IQGAP2: variants seen among roughly 807,000 people sequenced by gnomAD.
The protein encoded by IQGAP2 is ras GTPase-activating-like protein IQGAP2.
IQGAP2 carries 173 observed loss-of-function variants against 201.3 expected under a neutral mutation model. The ratio of observed to expected loss-of-function variants is 0.86; its 90% CI spans 0.76 to 0.98. The LOEUF (loss-of-function observed/expected upper bound fraction) is 0.98, where lower values mean the gene tolerates loss of function less well. IQGAP2 is among the 50% of genes least tolerant of loss of function. IQGAP2 has a pLI of 0.00. For missense variants in IQGAP2, 1,687 were observed against 1,864.8 expected (o/e 0.90, Z 1.76); for synonymous variants, 675 against 673.9 (o/e 1.00, Z -0.03).
chr5:76,671,459 G>A (rs1217863248), intron 23 of IQGAP2, among the ~76,000 whole-genome samples: 1 of 151,498 alleles, frequency 6.6e-6, no homozygotes, highest in African/African-American at 2.4e-5. Flanking sequence ...CAAGGCAGGT[G>A]GATCACCTGA....
chr5:76,574,119 TAC>T (rs1316722911), intron 4 of IQGAP2, among the ~76,000 whole-genome samples: 14 of 152,214 alleles, frequency 9.2e-5, no homozygotes, highest in Non-Finnish European at 1.5e-4. Flanking sequence ...TATCACGTAC[TAC>T]CATATGATGC....
intron 12 of IQGAP2, chr5:76,608,823 T>C: frequency 4.1e-6 from 1 of 242,964 alleles, no homozygotes; most frequent in Non-Finnish European, 8.2e-6. Context: ...GAGTTTTTGC[T>C]CTTTAAATTT....
intron 2 of IQGAP2, among the ~76,000 whole-genome samples, chr5:76,552,830 A>C (rs1743654494): frequency 6.6e-6 from 1 of 152,210 alleles, no homozygotes; most frequent in Non-Finnish European, 1.5e-5. Context: ...CTGAAAGAGA[A>C]GAGTGAGACA....
chr5:76,668,900 G>A, intron 23 of IQGAP2, 56 bp downstream of exon 23: 3 of 1,121,904 alleles, frequency 2.7e-6, no homozygotes, highest in Non-Finnish European at 2.5e-6. Flanking sequence ...TTTGTTAGTG[G>A]TGGCTGTCTT....
chr5:76,699,111 A>G (rs576017556), intron 33 of IQGAP2, among the ~76,000 whole-genome samples: 3 of 152,222 alleles, frequency 2.0e-5, no homozygotes, highest in African/African-American at 7.2e-5. Flanking sequence ...TCCTTTGACC[A>G]TCATCTCCCC....
intron 24 of IQGAP2, among the ~76,000 whole-genome samples, chr5:76,673,124 T>G (rs1278067806): frequency 6.6e-6 from 1 of 152,044 alleles, no homozygotes; most frequent in Non-Finnish European, 1.5e-5. Flanking sequence ...CTGGTATTGT[T>G]TTAGATTATA....
chr5:76,658,789 T>A, intron 21 of IQGAP2, 122 bp downstream of exon 21: 1 of 847,414 alleles, frequency 1.2e-6, no homozygotes, highest in Non-Finnish European at 1.9e-6. Context: ...TTCATCCTGA[T>A]GCAAACATCA....
chr5:76,419,177 T>G (rs1398618220), intron 1 of IQGAP2, among the ~76,000 whole-genome samples: 1 of 152,142 alleles, frequency 6.6e-6, no homozygotes, highest in Non-Finnish European at 1.5e-5. Context: ...TGGCTCTGTT[T>G]TCTAGGCTGG....
At chr5:76,615,909 C>T (rs1423424017) in intron 13 of IQGAP2, 3 of 152,626 alleles carry the variant, frequency 2.0e-5, no homozygotes. Flanking sequence ...GAAATGATGT[C>T]ATCCCGTATC....
intron 1 of IQGAP2, among the ~76,000 whole-genome samples, chr5:76,447,979 G>A (rs1753499904): frequency 6.6e-6 from 1 of 152,062 alleles, no homozygotes; most frequent in Admixed American, 6.5e-5. Flanking sequence ...CCTCTCTTCT[G>A]CATGTAGGGT....
chr5:76,676,585 C>A (rs981509994), intron 27 of IQGAP2, among the ~76,000 whole-genome samples: 3 of 152,248 alleles, frequency 2.0e-5, no homozygotes, highest in East Asian at 1.9e-4. Flanking sequence ...TGCCTCACTT[C>A]TCTTGATCTC....
At chr5:76,613,221 C>T (rs1435977110) in intron 13 of IQGAP2, among the ~76,000 whole-genome samples, 1 of 152,222 alleles carries the variant, frequency 6.6e-6, no homozygotes, top group African/African-American at 2.4e-5. Context: ...AGTGAGGGCT[C>T]ATACACAAGC....
chr5:76,428,437 C>CTTTT (rs1003388325), intron 1 of IQGAP2, among the ~76,000 whole-genome samples: 1 of 135,706 alleles, frequency 7.4e-6, no homozygotes, highest in African/African-American at 2.7e-5. Flanking sequence ...ATCCTTTTTT[C>CTTTT]TTTTTTTTTT....
intron 3 of IQGAP2, among the ~76,000 whole-genome samples, chr5:76,568,793 G>A (rs1744915999): frequency 6.6e-6 from 1 of 152,118 alleles, no homozygotes; most frequent in South Asian, 2.1e-4. Context: ...TTATCTAAGA[G>A]GTGGGAAGAT....
chr5:76,502,106 A>T (rs1757314654), intron 2 of IQGAP2, among the ~76,000 whole-genome samples: 1 of 152,218 alleles, frequency 6.6e-6, no homozygotes, highest in Non-Finnish European at 1.5e-5. Context: ...CTACAATGCC[A>T]AGCTGAAAAG....
At chr5:76,523,559 T>C (rs1758809912) in intron 2 of IQGAP2, among the ~76,000 whole-genome samples, 1 of 152,198 alleles carries the variant, frequency 6.6e-6, no homozygotes, top group Non-Finnish European at 1.5e-5. Flanking sequence ...GAATAAGACA[T>C]GGAAATGTAG....
intron 13 of IQGAP2, among the ~76,000 whole-genome samples, chr5:76,627,065 G>A (rs1451080921): frequency 2.6e-5 from 4 of 152,146 alleles, no homozygotes; most frequent in African/African-American, 9.7e-5. Flanking sequence ...AAGTAGAGGA[G>A]TGGTGCACTG....
chr5:76,679,769 C>T (rs754389812), intron 28 of IQGAP2, among the ~76,000 whole-genome samples: 2 of 152,110 alleles, frequency 1.3e-5, no homozygotes, highest in Non-Finnish European at 2.9e-5. Context: ...AGATTTTGCC[C>T]GGTCTTTGTA....
intron 17 of IQGAP2, 96 bp downstream of exon 17, chr5:76,641,199 A>C: frequency 1.1e-6 from 1 of 937,576 alleles, no homozygotes; most frequent in Non-Finnish European, 1.6e-6. Context: ...GCATTCCTAT[A>C]AACAAATCTG....
Sources: gnomAD v4.1 joint callset for allele counts (sites outside exome capture counted in the v4.1 genomes callset) on GRCh38, gnomAD v4.1.1 for gene constraint, MANE v1.5 for transcripts, NCBI Gene and HGNC (gene_info 2026-07-23, HGNC 2026-07-21) for gene names.